Variants in TRPC3 observed in about 807,000 individuals in gnomAD.
The protein encoded by TRPC3 is transient receptor potential cation channel subfamily C member 3.
A neutral mutation model predicts 90.9 loss-of-function variants in TRPC3; 54 were observed. The observed-to-expected ratio is 0.59, with a 90% confidence interval of 0.48 to 0.75. The LOEUF is 0.75. Among genes scored for constraint, TRPC3 ranks in the 30% least tolerant of loss-of-function variants. TRPC3 has a pLI of 0.00. For missense variants in TRPC3, 918 were observed against 1,194.5 expected (o/e 0.77, Z 3.41); for synonymous variants, 424 against 450.9 (o/e 0.94, Z 0.75).
At chr4:121,934,049 T>C (rs1296692142) in intron 1 of TRPC3, among the ~76,000 whole-genome samples, 1 of 152,198 alleles carries the variant, frequency 6.6e-6, no homozygotes, top group Admixed American at 6.5e-5. Context: ...TAATTGTACA[T>C]CCAGATCAAT....
rs1035026897 is a variant in TRPC3 at position 121,951,300 on chromosome 4, G to A, written c.215+166C>T. On this transcript the variant is annotated intron_variant, in intron 1 of 11. Coordinates refer to ENST00000379645, the MANE Select transcript of TRPC3 (RefSeq NM_001130698.2). This position sits in a 1 kb window ranked among gnomAD's most constrained non-coding sequence, Gnocchi z 4.4. ...CGCGGGACCGAGGGGGCGAGCCTCC[G>A]GCCGAGGTCTGTCCCCTCCAAATCA... is the stretch of plus-strand genomic sequence containing the variant. Among the ~76,000 whole-genome samples, 2 of 151,940 alleles carry A rather than the reference G, an allele frequency of 1.3e-5. No individual in the cohort carries two copies. Among genetic ancestry groups the A allele is most frequent in the Non-Finnish European group, 1.5e-5 (1 of 67,948 alleles).
In TRPC3 at chr4:121,878,036, T is replaced by G. The variant is rs1336521526; in HGVS notation, c.*1700A>C. ...CTATAAAACTATCAGAAACATCTAT[T>G]ATAGAAACTTTGTATCTTTACTATC... is the stretch of plus-strand genomic sequence containing the variant. On this transcript the variant is annotated 3_prime_UTR_variant, in exon 12 of 12. Transcript: ENST00000379645. Among the ~76,000 whole-genome samples, 2 of 152,230 alleles carry G rather than the reference T, an allele frequency of 1.3e-5. No individual in the cohort carries two copies. The highest frequency in any genetic ancestry group is 4.8e-5 in the African/African-American group (2 of 41,468).
intron 4 of TRPC3, among the ~76,000 whole-genome samples, chr4:121,913,093 G>C (rs1308675203): frequency 6.6e-6 from 1 of 152,236 alleles, no homozygotes; most frequent in Non-Finnish European, 1.5e-5. Flanking sequence ...TGAAAGAGAT[G>C]TCAGGGATTT....
Position 121,882,387 on chromosome 4 carries a change from G to C in TRPC3, c.2590C>G (p.Gln864Glu). 3.1e-6 allele frequency: 5 copies of C among 1,610,336 alleles called. No homozygotes were observed. Among genetic ancestry groups the C allele is most frequent in the Non-Finnish European group, 4.2e-6 (5 of 1,178,718 alleles). ...RLIKRYVLKA[Q>E]VDKENDEVNE... ...ACTTCATCATTTTCTTTGTCTACTT[G>C]TGCTTTCAAAACATACCGCTTTATA... Residue 864 changes from glutamine (Q) to glutamate (E), a missense_variant, in exon 11 of 12, where the codon CAA (glutamine) becomes GAA (glutamate). Gln to Glu is a conservative substitution (Grantham distance 29). Transcript: ENST00000379645.
chr4:121,887,801 T>C (rs1233502574), intron 10 of TRPC3, among the ~76,000 whole-genome samples: 1 of 152,002 alleles, frequency 6.6e-6, no homozygotes, highest in Non-Finnish European at 1.5e-5. Flanking sequence ...CAAACACAAA[T>C]ATCGTTATAA....
intron 2 of TRPC3, among the ~76,000 whole-genome samples, chr4:121,925,728 A>G (rs1729683689): frequency 6.6e-6 from 1 of 152,254 alleles, no homozygotes; most frequent in Non-Finnish European, 1.5e-5. Context: ...GGTGACAGAT[A>G]TGTTAATTAG....
chr4:121,937,372 T>C (rs1641957332), intron 1 of TRPC3, among the ~76,000 whole-genome samples: 1 of 152,236 alleles, frequency 6.6e-6, no homozygotes, highest in African/African-American at 2.4e-5. Context: ...AAAAATGAAG[T>C]TGAAATAATA....
intron 2 of TRPC3, among the ~76,000 whole-genome samples, chr4:121,926,492 C>A (rs1488380598): frequency 1.3e-5 from 2 of 151,660 alleles, no homozygotes; most frequent in African/African-American, 2.4e-5. Flanking sequence ...CTGCAACCTC[C>A]GCCTCCTGGG....
chr4:121,942,893 T>C (rs2149152413), intron 1 of TRPC3, among the ~76,000 whole-genome samples: 2 of 152,308 alleles, frequency 1.3e-5, no homozygotes, highest in Non-Finnish European at 2.9e-5. Flanking sequence ...CGAACGTATG[T>C]GCCCAAGAAA....
chr4:121,910,286 T>C lies in TRPC3; in HGVS notation c.1660A>G (p.Ile554Val). ...AGGAATCTGGCTGTGAAAGCAGCAA[T>C]GAAGATGGACAGCATCCCAAAGTCA... ...VLDFGMLSIF[I>V]AAFTARFLAF... is the part of the protein sequence containing the mutation. The change falls in exon 6 of 12, where the codon ATT (isoleucine) becomes GTT (valine). Residue 554 changes from isoleucine (I) to valine (V), a missense_variant. Transcript: ENST00000379645. 2 of 1,613,858 alleles carry C rather than the reference T, an allele frequency of 1.2e-6. No homozygotes were observed. The highest frequency in any genetic ancestry group is 1.7e-6 in the Non-Finnish European group (2 of 1,179,824).
At chr4:121,894,416 C>T (rs1560689344) in intron 10 of TRPC3, among the ~76,000 whole-genome samples, 1 of 152,002 alleles carries the variant, frequency 6.6e-6, no homozygotes. Flanking sequence ...TTGGGAACTT[C>T]AACCTCACTC....
chr4:121,912,164 G>T, intron 4 of TRPC3, 71 bp from the exon 5 acceptor site: 1 of 1,287,474 alleles, frequency 7.8e-7, no homozygotes, highest in Non-Finnish European at 1.1e-6. Flanking sequence ...TACAACATAG[G>T]ATTAAAAAAA....
Position 121,877,146 on chromosome 4 carries a change from C to A in TRPC3, c.*2590G>T, listed in dbSNP as rs963810214. 6.6e-6 allele frequency among the ~76,000 whole-genome samples: 1 copy of A among 152,130 alleles called. No individual in the cohort carries two copies. The highest frequency in any genetic ancestry group is 1.5e-5 in the Non-Finnish European group (1 of 68,016). ...TCAAGTGAAGGACTAATTCTGACAG[C>A]AATCCCCTCGACTAATCCTCATCTC... On this transcript the variant is annotated 3_prime_UTR_variant, in exon 12 of 12. Transcript: ENST00000379645.
rs201241970 is a variant in TRPC3 at position 121,932,562 on chromosome 4, C to T, written c.696G>A (p.Pro232=). The part of the protein sequence containing the change: ...AYDEDGTRFS[P]DITPIILAAH... ...CCGCCAGGATGATGGGGGTGATGTC[C>T]GGCGAGAAGCGCGTGCCGTCCTCGT... The change falls in exon 2 of 12, where the codon CCG becomes CCA. Residue 232 remains proline, a synonymous_variant. Transcript: ENST00000379645. This position sits in a 1 kb window ranked among gnomAD's most constrained non-coding sequence, Gnocchi z 7.7. 1.3e-4 allele frequency: 203 copies of T among 1,614,102 alleles called. No homozygotes were observed. The highest frequency in any genetic ancestry group is 1.7e-4 in the Non-Finnish European group (201 of 1,180,042).
intron 10 of TRPC3, among the ~76,000 whole-genome samples, chr4:121,898,834 C>T (rs544385888): frequency 2.0e-5 from 3 of 151,696 alleles, no homozygotes; most frequent in African/African-American, 7.3e-5. Flanking sequence ...ACCAATAAAA[C>T]AAAAATAAAC....
chr4:121,879,559 T>G lies in TRPC3; in HGVS notation c.*177A>C. ...CCACTGTAATGTCAAAGCAGACAAATAAAATGCATTTTCATGTGATAAAAC... is the reference window on the plus strand; with the variant it reads ...CCACTGTAATGTCAAAGCAGACAAAGAAAATGCATTTTCATGTGATAAAAC... On this transcript the variant is annotated 3_prime_UTR_variant, in exon 12 of 12. Coordinates refer to ENST00000379645, the MANE Select transcript of TRPC3 (RefSeq NM_001130698.2). The G allele has an allele frequency of 1.6e-6, 1 of 639,316 alleles. No homozygotes were observed. Among genetic ancestry groups the G allele is most frequent in the South Asian group, 2.3e-5 (1 of 43,272 alleles). The allele number at this position is 639,316 out of a possible 1,614,324, so 39.6% of individuals were successfully genotyped here.
At chr4:121,903,310 A>G (rs533134890) in intron 8 of TRPC3, among the ~76,000 whole-genome samples, 1 of 152,246 alleles carries the variant, frequency 6.6e-6, no homozygotes, top group African/African-American at 2.4e-5. Flanking sequence ...TAACATCCAA[A>G]AACAAGGCAA....
Position 121,875,380 on chromosome 4 carries a change from C to T in TRPC3, c.*4356G>A, listed in dbSNP as rs1407151276. On this transcript the variant is annotated 3_prime_UTR_variant, in exon 12 of 12. Transcript: ENST00000379645. The stretch of plus-strand genomic sequence containing the variant: ...CAATTTATTATTTTTAAAGTACATA[C>T]TATGTTTTGTTTCTAAATGATTAGT... Among the ~76,000 whole-genome samples the T allele has an allele frequency of 6.6e-6, 1 of 152,152 alleles. No individual in the cohort carries two copies. Among genetic ancestry groups the T allele is most frequent in the Non-Finnish European group, 1.5e-5 (1 of 68,022 alleles).
intron 2 of TRPC3, among the ~76,000 whole-genome samples, chr4:121,926,365 C>A (rs1441902313): frequency 6.6e-6 from 1 of 151,914 alleles, no homozygotes; most frequent in Admixed American, 6.6e-5. Flanking sequence ...ATTTCCACTG[C>A]AATGTTATAT....
Sources: allele counts gnomAD v4.1 joint callset (sites outside exome capture counted in the v4.1 genomes callset), GRCh38; gene constraint gnomAD v4.1.1; non-coding constraint Gnocchi (gnomAD v3.1); transcripts MANE v1.5; gene names NCBI Gene and HGNC (gene_info 2026-07-23, HGNC 2026-07-21).